The following TRPC4AP variants were observed in gnomAD, a reference collection of about 807,000 sequenced individuals.
TRPC4AP encodes the protein short transient receptor potential channel 4-associated protein.
TRPC4AP carries 45 observed loss-of-function variants against 99.0 expected under a neutral mutation model. That is an observed-to-expected ratio of 0.45 (90% confidence interval 0.36 to 0.58). The LOEUF is 0.58. Ranked by LOEUF, TRPC4AP falls within the 20% of genes least tolerant of loss-of-function variation. The pLI is 0.00. For synonymous variants in TRPC4AP, 408 were observed against 385.8 expected (o/e 1.06, Z -0.67); for missense variants, 879 against 985.3 (o/e 0.89, Z 1.44).
chr20:35,054,949 C>CAG (rs2083790442), intron 5 of TRPC4AP, 27 bp downstream of exon 5: 1 of 1,600,762 alleles, frequency 6.2e-7, no homozygotes, highest in South Asian at 1.1e-5. Flanking sequence ...GGGAGATAAA[C>CAG]AGAGCCCCAG....
At chr20:35,072,639 A>G (rs140622086) in intron 2 of TRPC4AP, among the ~76,000 whole-genome samples, 15,982 of 152,078 alleles carry the variant, frequency 0.11, 894 homozygotes, top group African/African-American at 0.13. Context: ...CCACTGGTCT[A>G]TATCTCTGTT....
chr20:35,067,052 T>C (rs112200365), intron 3 of TRPC4AP, among the ~76,000 whole-genome samples: 52 of 152,202 alleles, frequency 3.4e-4, no homozygotes, highest in African/African-American at 9.9e-4. Context: ...AACTAAGAAA[T>C]TGAAAAAGGA....
chr20:35,006,519 A>T lies in TRPC4AP; in HGVS notation c.1743T>A (p.Ser581Arg). ...TCAGCTCCCCCAGGAGGTCAAAGTA[A>T]CTCTGGAGCACATCCCTTGACTTAC... ...SECKSRDVLQ[S>R]YFDLLGELMK... is the part of the protein sequence containing the mutation. The change falls in exon 15 of 19, where the codon AGT (serine) becomes AGA (arginine). Residue 581 changes from serine to arginine, a missense_variant. Ser to Arg is a moderately radical substitution (Grantham distance 110, BLOSUM62 -1). Coordinates refer to ENST00000252015, the MANE Select transcript of TRPC4AP (RefSeq NM_015638.3). 6.2e-7 allele frequency: 1 copy of T among 1,614,176 alleles called. No homozygotes were observed. The highest frequency in any genetic ancestry group is 8.5e-7 in the Non-Finnish European group (1 of 1,180,040).
intron 1 of TRPC4AP, among the ~76,000 whole-genome samples, chr20:35,079,744 AC>A (rs2084580332): frequency 2.0e-5 from 3 of 152,114 alleles, no homozygotes; most frequent in Non-Finnish European, 4.4e-5. Flanking sequence ...AGTATTATGA[AC>A]CGTTTGCCCC....
In TRPC4AP at chr20:35,002,971, CCCTCAGACCCAGGGG is replaced by C; in HGVS notation, c.*160_*174del. 1 of 791,700 alleles carries C rather than the reference CCCTCAGACCCAGGGG, an allele frequency of 1.3e-6. No individual in the cohort carries two copies. The highest frequency in any genetic ancestry group is 1.8e-5 in the South Asian group (1 of 56,568). 49.0% of individuals were successfully genotyped at this position (791,700 alleles called of 1,614,324 possible). Reference sequence around the variant, plus strand: ...GACTGAGGCTCTCCATGACCTAGGGCCCTCAGACCCAGGGGGACCAAGGGCTTCTAGGACTTCCCT... The same window carrying C: ...GACTGAGGCTCTCCATGACCTAGGGCGACCAAGGGCTTCTAGGACTTCCCT... On this transcript the variant is annotated 3_prime_UTR_variant, in exon 19 of 19. Coordinates refer to ENST00000252015, the MANE Select transcript of TRPC4AP (RefSeq NM_015638.3).
rs191522672 is a variant in TRPC4AP at position 35,012,920 on chromosome 20, C to T, written c.1409+88G>A. ...TTCCACCAGCTCCAGGGCCTCCTCT[C>T]GAGCTGAGGTCAGGGACCAGACAAG... On this transcript the variant is annotated intron_variant, in intron 11 of 18. Coordinates refer to ENST00000252015, the MANE Select transcript of TRPC4AP (RefSeq NM_015638.3). 7,415 of 1,400,732 alleles carry T rather than the reference C, an allele frequency of 5.3e-3. 28 individuals carry two copies. Among genetic ancestry groups the T allele is most frequent in the Non-Finnish European group, 6.3e-3 (6,225 of 989,858 alleles). 86.8% of individuals were successfully genotyped at this position (1,400,732 alleles called of 1,614,324 possible).
At chr20:35,043,242 GAAT>G (rs1460929615) in intron 7 of TRPC4AP, among the ~76,000 whole-genome samples, 1 of 151,148 alleles carries the variant, frequency 6.6e-6, no homozygotes, top group Non-Finnish European at 1.5e-5. Flanking sequence ...ATGTTGCAAT[GAAT>G]AATTTTTTTT....
intron 6 of TRPC4AP, among the ~76,000 whole-genome samples, chr20:35,046,346 T>C (rs935052662): frequency 6.6e-6 from 1 of 152,200 alleles, no homozygotes; most frequent in Non-Finnish European, 1.5e-5. Flanking sequence ...ACATCAACTT[T>C]TCTCATTTTG....
intron 7 of TRPC4AP, among the ~76,000 whole-genome samples, 162 bp downstream of exon 7, chr20:35,044,343 G>A (rs1051690306): frequency 2.1e-5 from 3 of 144,692 alleles, no homozygotes; most frequent in Non-Finnish European, 4.5e-5. Flanking sequence ...AGTGAGCCAC[G>A]ATTGTGCCAC....
intron 2 of TRPC4AP, 42 bp from the exon 3 acceptor site, chr20:35,069,454 C>A: frequency 2.4e-6 from 3 of 1,232,556 alleles, no homozygotes; most frequent in South Asian, 1.2e-5. Context: ...TTTTAGTAAC[C>A]AACACAGACC....
intron 1 of TRPC4AP, among the ~76,000 whole-genome samples, chr20:35,086,542 T>TGG (rs2084881720): frequency 2.3e-5 from 2 of 88,054 alleles, no homozygotes; most frequent in Non-Finnish European, 4.5e-5. Context: ...TGTGTGTGTG[T>TGG]GTGTGTGTGT....
At chr20:35,048,252 C>T (rs1301993048) in intron 6 of TRPC4AP, among the ~76,000 whole-genome samples, 2 of 147,864 alleles carry the variant, frequency 1.4e-5, no homozygotes, top group Admixed American at 6.8e-5. Context: ...TGCTCTGTTG[C>T]CCAGGCTGGA....
At chr20:35,070,306 T>C (rs924127517) in intron 2 of TRPC4AP, among the ~76,000 whole-genome samples, 1 of 152,114 alleles carries the variant, frequency 6.6e-6, no homozygotes. Context: ...CTGCAGGAAG[T>C]CTTCTTGATT....
intron 8 of TRPC4AP, among the ~76,000 whole-genome samples, chr20:35,033,648 G>A (rs1181701304): frequency 1.3e-5 from 2 of 152,046 alleles, no homozygotes; most frequent in East Asian, 3.9e-4. Context: ...CTCCTTCCCT[G>A]GTTCTCTGGT....
intron 8 of TRPC4AP, among the ~76,000 whole-genome samples, chr20:35,034,728 T>C (rs1481689446): frequency 2.0e-5 from 3 of 152,096 alleles, no homozygotes; most frequent in Non-Finnish European, 4.4e-5. Flanking sequence ...TAATAGGCAG[T>C]CTTCTGCCTA....
At chr20:35,034,755 C>A (rs1197472304) in intron 8 of TRPC4AP, among the ~76,000 whole-genome samples, 1 of 151,908 alleles carries the variant, frequency 6.6e-6, no homozygotes, top group East Asian at 1.9e-4. Context: ...TCAAGGGGAC[C>A]AGGAAAAGGT....
intron 9 of TRPC4AP, among the ~76,000 whole-genome samples, chr20:35,018,803 G>A (rs555301328): frequency 6.6e-6 from 1 of 152,194 alleles, no homozygotes; most frequent in Admixed American, 6.5e-5. Context: ...TACAGGCTCA[G>A]GCATTTATCT....
At chr20:35,026,213 T>C (rs1266365783) in intron 8 of TRPC4AP, among the ~76,000 whole-genome samples, 1 of 131,002 alleles carries the variant, frequency 7.6e-6, no homozygotes, top group South Asian at 2.4e-4. Flanking sequence ...ATGTGAGTTG[T>C]CTTAGGTTGT....
At chr20:35,046,436 T>C (rs569685859) in intron 6 of TRPC4AP, among the ~76,000 whole-genome samples, 32 of 152,318 alleles carry the variant, frequency 2.1e-4, no homozygotes, top group Admixed American at 9.8e-4. Context: ...GTGTTTCTCT[T>C]TCACTGCACA....
Sources: allele counts gnomAD v4.1 joint callset (sites outside exome capture counted in the v4.1 genomes callset), GRCh38; gene constraint gnomAD v4.1.1; transcripts MANE v1.5; gene names NCBI Gene and HGNC (gene_info 2026-07-23, HGNC 2026-07-21).